FREM3: variants seen among roughly 807,000 people sequenced by gnomAD.
FREM3 encodes the protein FRAS1-related extracellular matrix protein 3.
Under a neutral mutation model 129.1 loss-of-function variants are expected in FREM3, and 105 were observed. The ratio of observed to expected loss-of-function variants is 0.81; its 90% CI spans 0.69 to 0.96. The LOEUF is 0.96. Ranked by LOEUF, FREM3 falls within the 40% of genes least tolerant of loss-of-function variation. The pLI is 0.00. For missense variants in FREM3, 2,593 were observed against 2,666.3 expected (o/e 0.97, Z 0.61); for synonymous variants, 1,014 against 1,044.9 (o/e 0.97, Z 0.57).
At position 143,659,599 on chromosome 4, in the gene FREM3, T is replaced by C. The variant is rs560046929; in HGVS notation, c.5276-31839A>G. 2.0e-3 allele frequency among the ~76,000 whole-genome samples: 281 copies of C among 141,976 alleles called. 2 individuals are homozygous for C. The highest frequency in any genetic ancestry group is 7.6e-3 in the African/African-American group (266 of 35,022). The allele number at this position is 141,976 out of a possible 152,430, so 93.1% of individuals were successfully genotyped here. On this transcript the variant is annotated intron_variant, in intron 2 of 7. Coordinates refer to ENST00000329798, the MANE Select transcript of FREM3 (RefSeq NM_001168235.2). ...TATATTCCTTTGGGTATATACCCAG[T>C]AATGGGATGGCTGGGTCAAATGGTA...
chr4:143,685,584 T>G (rs1740346193), intron 2 of FREM3, among the ~76,000 whole-genome samples: 1 of 151,818 alleles, frequency 6.6e-6, no homozygotes, highest in African/African-American at 2.4e-5. Flanking sequence ...AAAACAAAAA[T>G]ACAAGTAAAA....
Position 143,698,593 on chromosome 4 carries a change from C to A in FREM3, c.2083G>T (p.Val695Phe). The A allele has an allele frequency of 1.3e-6, 2 of 1,537,730 alleles. No homozygotes were observed. Among genetic ancestry groups the A allele is most frequent in the Non-Finnish European group, 8.7e-7 (1 of 1,147,024 alleles). The part of the protein sequence containing the change: ...LSKQHIFTIK[V>F]QPVDILSPQL... ...GGACTCAGTATATCCACTGGTTGGA[C>A]CTTGATGGTGAAAATGTGCTGTTTG... Residue 695 changes from valine (V) to phenylalanine (F), a missense_variant, in exon 1 of 8, where the codon GTC becomes TTC. Transcript: ENST00000329798.
At chr4:143,577,932 C>A in intron 7 of FREM3, 80 bp from the exon 8 acceptor site, 1 of 1,411,836 alleles carries the variant, frequency 7.1e-7, no homozygotes, top group African/African-American at 1.4e-5. Context: ...AGAGCTCTCA[C>A]CAACTCTGCG....
intron 4 of FREM3, among the ~76,000 whole-genome samples, chr4:143,621,784 T>C (rs971243040): frequency 6.6e-6 from 1 of 152,206 alleles, no homozygotes; most frequent in African/African-American, 2.4e-5. Context: ...AAAACATTCA[T>C]TGAAATATCA....
intron 5 of FREM3, among the ~76,000 whole-genome samples, chr4:143,613,282 G>A (rs1560844650): frequency 2.0e-5 from 3 of 152,190 alleles, no homozygotes; most frequent in Non-Finnish European, 4.4e-5. Context: ...TGATCAAAAT[G>A]GACAGGCACA....
rs1467385043 is a variant in FREM3 at position 143,696,360 on chromosome 4, C to T, written c.4316G>A (p.Gly1439Asp). 8 of 1,537,254 alleles carry T rather than the reference C, an allele frequency of 5.2e-6. No homozygotes were observed. Among genetic ancestry groups the T allele is most frequent in the Non-Finnish European group, 6.1e-6 (7 of 1,146,966 alleles). ...ATTGTTGGTAAGGGTCACTCTGGCA[C>T]CTTCTATCAAGGTGATCCTTTTGCT... ...VISKRITLIEGARVTLTNNLL... is the reference protein window; with the variant it reads ...VISKRITLIEDARVTLTNNLL... The change falls in exon 1 of 8, where the codon GGT becomes GAT. Residue 1439 changes from glycine to aspartate, a missense_variant. Physicochemically the swap from Gly to Asp is moderately conservative, Grantham distance 94 (BLOSUM62 -1). Coordinates refer to ENST00000329798, the MANE Select transcript of FREM3 (RefSeq NM_001168235.2).
At chr4:143,661,544 A>G (rs1226923355) in intron 2 of FREM3, among the ~76,000 whole-genome samples, 1 of 151,696 alleles carries the variant, frequency 6.6e-6, no homozygotes, top group African/African-American at 2.4e-5. Flanking sequence ...ATTGGTCTAA[A>G]ATTCTCTTTT....
intron 2 of FREM3, among the ~76,000 whole-genome samples, chr4:143,665,592 T>C (rs1478019850): frequency 2.0e-5 from 3 of 152,140 alleles, no homozygotes; most frequent in Admixed American, 6.6e-5. Flanking sequence ...TCCTAAACAC[T>C]TAAGTTGGGC....
intron 2 of FREM3, among the ~76,000 whole-genome samples, chr4:143,680,489 A>G (rs1740230193): frequency 6.6e-6 from 1 of 152,132 alleles, no homozygotes; most frequent in South Asian, 2.1e-4. Context: ...AAGGAGCTGT[A>G]GAAATATGTC....
chr4:143,673,509 G>T (rs1346249022), intron 2 of FREM3, among the ~76,000 whole-genome samples: 1 of 152,210 alleles, frequency 6.6e-6, no homozygotes, highest in East Asian at 1.9e-4. Flanking sequence ...CCTACTGGGG[G>T]GTGCCTCCCA....
intron 6 of FREM3, among the ~76,000 whole-genome samples, chr4:143,588,186 G>T (rs1293426652): frequency 6.6e-6 from 1 of 152,024 alleles, no homozygotes; most frequent in African/African-American, 2.4e-5. Flanking sequence ...TCTTGATTTA[G>T]CACCTCTTTA....
At chr4:143,685,406 T>C (rs1424998485) in intron 2 of FREM3, among the ~76,000 whole-genome samples, 1 of 152,116 alleles carries the variant, frequency 6.6e-6, no homozygotes, top group Non-Finnish European at 1.5e-5. Context: ...GTAAGCATCA[T>C]ATATGAAGGA....
At chr4:143,691,154 G>A (rs534028834) in intron 2 of FREM3, among the ~76,000 whole-genome samples, 1 of 152,198 alleles carries the variant, frequency 6.6e-6, no homozygotes, top group Non-Finnish European at 1.5e-5. Flanking sequence ...TTAAGATACA[G>A]CTATGAATGA....
Position 143,577,684 on chromosome 4 carries a change from G to C in FREM3, c.6347C>G (p.Pro2116Arg). Residue 2116 changes from proline (P) to arginine (R), a missense_variant, in exon 8 of 8, where the codon CCA becomes CGA. Pro to Arg is a moderately radical substitution (Grantham distance 103). Coordinates refer to ENST00000329798, the MANE Select transcript of FREM3 (RefSeq NM_001168235.2). ...QMPMGAVLGE[P>R]NKTTIFIEDT... ...CTCGATGAAAATGGTAGTTTTATTT[G>C]GTTCTCCAAGCACTGCACCCATAGG... 1.3e-6 allele frequency: 2 copies of C among 1,537,142 alleles called. No homozygotes were observed. Among genetic ancestry groups the C allele is most frequent in the Non-Finnish European group, 1.7e-6 (2 of 1,146,816 alleles).
chr4:143,695,952 G>C lies in FREM3; in HGVS notation c.4724C>G (p.Thr1575Ser). 2 of 1,537,902 alleles carry C rather than the reference G, an allele frequency of 1.3e-6. No individual in the cohort carries two copies. The highest frequency in any genetic ancestry group is 1.7e-6 in the Non-Finnish European group (2 of 1,147,058). ...GCCATGCATGGGGACCTGGGTGATGGTAAAGAGAATAAGGTCATCTGGGGT... is the reference window on the plus strand; with the variant it reads ...GCCATGCATGGGGACCTGGGTGATGCTAAAGAGAATAAGGTCATCTGGGGT... ...SDTPDDLILFTITQVPMHGKI... is the reference protein window; with the variant it reads ...SDTPDDLILFSITQVPMHGKI... The change falls in exon 1 of 8, where the codon ACC becomes AGC. Residue 1575 changes from threonine to serine, a missense_variant. By Grantham distance (58) the Thr-to-Ser change is moderately conservative. This residue lies in a region of FREM3 where 2,276 missense variants were observed against 2,267.2 expected (regional missense o/e 1.00). Transcript: ENST00000329798.
At chr4:143,586,104 T>A (rs1309203170) in intron 6 of FREM3, 111 bp from the exon 7 acceptor site, 1 of 1,053,810 alleles carries the variant, frequency 9.5e-7, no homozygotes, top group Non-Finnish European at 1.3e-6. Context: ...ACATGACAGA[T>A]CCCATAGGTC....
At chr4:143,680,256 CAT>C (rs10684537) in intron 2 of FREM3, among the ~76,000 whole-genome samples, 159 of 149,082 alleles carry the variant, frequency 1.1e-3, no homozygotes, top group Admixed American at 2.9e-3. Context: ...GGGAATAATG[CAT>C]ATATATATAT....
In FREM3 at chr4:143,680,323, T is replaced by A. The variant is rs117854141; in HGVS notation, c.5275+12790A>T. Among the ~76,000 whole-genome samples, 92 of 151,870 alleles carry A rather than the reference T, an allele frequency of 6.1e-4. No homozygotes were observed. The East Asian group carries it at 0.016, about 26-fold the overall frequency. ...ATATCACAATGTAATCTCCTTTACA[T>A]CTTTACACACTGTTTTCCACTTGTT... is the stretch of plus-strand genomic sequence containing the variant. On this transcript the variant is annotated intron_variant, in intron 2 of 7. Coordinates refer to ENST00000329798, the MANE Select transcript of FREM3 (RefSeq NM_001168235.2).
intron 2 of FREM3, among the ~76,000 whole-genome samples, chr4:143,674,594 G>A (rs532358392): frequency 1.3e-5 from 2 of 152,226 alleles, no homozygotes; most frequent in Admixed American, 1.3e-4. Flanking sequence ...GACACAGACT[G>A]GCAGATTGGA....
Sources: gnomAD v4.1 joint callset for allele counts (sites outside exome capture counted in the v4.1 genomes callset) on GRCh38, gnomAD v4.1.1 for gene constraint, gnomAD v4.1.1 regional missense constraint, MANE v1.5 for transcripts, NCBI Gene and HGNC (gene_info 2026-07-23, HGNC 2026-07-21) for gene names.